Variants in TXNDC16 observed in about 807,000 individuals in gnomAD.
TXNDC16 encodes the protein thioredoxin domain-containing protein 16.
Under a neutral mutation model 85.6 loss-of-function variants are expected in TXNDC16, and 74 were observed. The ratio of observed to expected loss-of-function variants is 0.86; its 90% CI spans 0.72 to 1.05. The LOEUF is 1.05. TXNDC16 is among the 50% of genes least tolerant of loss of function. The pLI is 0.00. For missense variants in TXNDC16, 959 were observed against 947.0 expected, an observed-to-expected ratio of 1.01 and a Z score of -0.17; for synonymous variants, 335 against 326.5, an observed-to-expected ratio of 1.03 and a Z score of -0.28.
intron 9 of TXNDC16, among the ~76,000 whole-genome samples, chr14:52,500,999 C>T (rs189042753): frequency 6.6e-6 from 1 of 152,208 alleles, no homozygotes; most frequent in African/African-American, 2.4e-5. Context: ...TCTAAAATGT[C>T]CTTGGTATTT....
At chr14:52,511,759 A>G (rs1261089066) in intron 8 of TXNDC16, among the ~76,000 whole-genome samples, 1 of 152,158 alleles carries the variant, frequency 6.6e-6, no homozygotes. Context: ...TTCTAGAGCT[A>G]TGCTAAATGA....
intron 16 of TXNDC16, among the ~76,000 whole-genome samples, chr14:52,458,384 C>T (rs1250239683): frequency 6.6e-6 from 1 of 152,030 alleles, no homozygotes; most frequent in African/African-American, 2.4e-5. Context: ...ATGGTGAAAC[C>T]CCATCTCTAC....
rs2036388073 is a variant in TXNDC16 at position 52,490,962 on chromosome 14, A to T, written c.800T>A (p.Leu267His). 3 of 1,604,306 alleles carry T rather than the reference A, an allele frequency of 1.9e-6. No homozygotes were observed. The South Asian group carries it at 3.3e-5, about 18-fold the overall frequency. Residue 267 changes from leucine to histidine, a missense_variant, in exon 10 of 21, where the codon CTC (leucine) becomes CAC (histidine). Transcript: ENST00000281741. ...AAAAACCAGTGGTAAGCCCAGTTGGAGATGGACAGTTGAAACTTGTTGAGG... is the reference window on the plus strand; with the variant it reads ...AAAAACCAGTGGTAAGCCCAGTTGGTGATGGACAGTTGAAACTTGTTGAGG... ...EDPQQVSTVH[L>H]QLGLPLVFIV...
chr14:52,453,116 T>A (rs908208170), intron 18 of TXNDC16, among the ~76,000 whole-genome samples: 1 of 152,036 alleles, frequency 6.6e-6, no homozygotes, highest in Admixed American at 6.5e-5. Flanking sequence ...GAAATGCAAA[T>A]CAAAACTACA....
rs1339297503 is a variant in TXNDC16, at chr14:52,470,087, A to C, written c.1568T>G (p.Leu523Trp). The C allele has an allele frequency of 1.2e-6, 2 of 1,611,368 alleles. No individual in the cohort carries two copies. Among genetic ancestry groups the C allele is most frequent in the East Asian group, 4.5e-5 (2 of 44,646 alleles). Residue 523 changes from leucine (L) to tryptophan (W), a missense_variant, in exon 16 of 21, where the codon TTG becomes TGG. Transcript: ENST00000281741. Reference sequence around the variant, plus strand: ...TCCCAATACTGACACACTAGAATACAAGATGAGGTCTTTATATAATTCCCC... The same window carrying C: ...TCCCAATACTGACACACTAGAATACCAGATGAGGTCTTTATATAATTCCCC... Reference protein sequence around the residue: ...LSGELYKDLILYSSVSVLGLF... With the variant: ...LSGELYKDLIWYSSVSVLGLF...
At chr14:52,488,294 A>G in intron 12 of TXNDC16, 69 bp downstream of exon 12, 2 of 1,568,004 alleles carry the variant, frequency 1.3e-6, no homozygotes, top group Non-Finnish European at 1.7e-6. Flanking sequence ...AAGTTAATCC[A>G]TTGGAAATTT....
At chr14:52,528,830 G>A (rs1594755406) in intron 6 of TXNDC16, among the ~76,000 whole-genome samples, 1 of 126,572 alleles carries the variant, frequency 7.9e-6, no homozygotes. Context: ...ATTATACCTA[G>A]GTATATATAT....
At chr14:52,444,147 G>C (rs901287080) in intron 18 of TXNDC16, among the ~76,000 whole-genome samples, 1 of 152,162 alleles carries the variant, frequency 6.6e-6, no homozygotes, top group Admixed American at 6.5e-5. Context: ...GAGACACTAA[G>C]GAGAAACACA....
chr14:52,467,961 C>T (rs1363896907), intron 16 of TXNDC16, among the ~76,000 whole-genome samples: 2 of 152,124 alleles, frequency 1.3e-5, no homozygotes, highest in Non-Finnish European at 2.9e-5. Flanking sequence ...TAGATGAACC[C>T]TGAAGACATT....
At chr14:52,486,683 G>T (rs2036280230) in intron 12 of TXNDC16, among the ~76,000 whole-genome samples, 1 of 152,042 alleles carries the variant, frequency 6.6e-6, no homozygotes, top group South Asian at 2.1e-4. Flanking sequence ...ACAGAGGGAG[G>T]GGGAAGAATT....
intron 8 of TXNDC16, among the ~76,000 whole-genome samples, 194 bp from the exon 9 acceptor site, chr14:52,511,584 A>G (rs2036956171): frequency 2.0e-5 from 3 of 152,120 alleles, no homozygotes; most frequent in Admixed American, 2.0e-4. Context: ...AATTAACCTT[A>G]ATATCTGAAC....
At chr14:52,521,276 C>CT (rs1408277175) in intron 6 of TXNDC16, among the ~76,000 whole-genome samples, 4 of 119,562 alleles carry the variant, frequency 3.3e-5, no homozygotes, top group Non-Finnish European at 5.1e-5. Context: ...CCACGCCTGG[C>CT]TATTTTTTTT....
At chr14:52,506,059 T>C (rs1294550979) in intron 9 of TXNDC16, among the ~76,000 whole-genome samples, 1 of 152,042 alleles carries the variant, frequency 6.6e-6, no homozygotes, top group African/African-American at 2.4e-5. Flanking sequence ...AATAACAGGC[T>C]CTGAAATTGA....
chr14:52,487,584 T>C (rs1243189999), intron 12 of TXNDC16, among the ~76,000 whole-genome samples: 1 of 152,230 alleles, frequency 6.6e-6, no homozygotes, highest in African/African-American at 2.4e-5. Flanking sequence ...TATTTCACTA[T>C]TGCCCAACTG....
chr14:52,527,550 G>C (rs1475729615), intron 6 of TXNDC16, among the ~76,000 whole-genome samples: 2 of 152,148 alleles, frequency 1.3e-5, no homozygotes, highest in African/African-American at 4.8e-5. Context: ...TTTATCTTCA[G>C]AGAGGAAGAG....
chr14:52,462,232 A>G (rs998422839), intron 16 of TXNDC16, among the ~76,000 whole-genome samples: 1 of 151,898 alleles, frequency 6.6e-6, no homozygotes, highest in African/African-American at 2.4e-5. Flanking sequence ...ATTTTTGTTT[A>G]TATTTTTTTT....
intron 14 of TXNDC16, 81 bp downstream of exon 14, chr14:52,482,149 T>C (rs2036164263): frequency 7.6e-7 from 1 of 1,315,508 alleles, no homozygotes; most frequent in African/African-American, 1.5e-5. Context: ...TGTGGTTTTC[T>C]ATATTTTTTG....
chr14:52,477,122 T>C (rs2036035920), intron 14 of TXNDC16, among the ~76,000 whole-genome samples: 1 of 152,104 alleles, frequency 6.6e-6, no homozygotes, highest in Non-Finnish European at 1.5e-5. Context: ...GACAAACAAA[T>C]GCTGAGAGAA....
chr14:52,455,060 T>C (rs2035500570), intron 18 of TXNDC16, among the ~76,000 whole-genome samples: 1 of 152,182 alleles, frequency 6.6e-6, no homozygotes, highest in African/African-American at 2.4e-5. Flanking sequence ...GGACATGCTT[T>C]ATAACAAGTT....
Sources: gnomAD v4.1 joint callset for allele counts (sites outside exome capture counted in the v4.1 genomes callset) on GRCh38, gnomAD v4.1.1 for gene constraint, MANE v1.5 for transcripts, NCBI Gene and HGNC (gene_info 2026-07-23, HGNC 2026-07-21) for gene names.